Variants in GPAM observed in about 807,000 individuals in gnomAD.
The protein encoded by GPAM is glycerol-3-phosphate acyltransferase, mitochondrial, also known as glycerol-3-phosphate acyltransferase 1, mitochondrial.
In GPAM, 56 loss-of-function variants were observed where a neutral mutation model predicts 105.0. That is an observed-to-expected ratio of 0.53 (90% CI 0.43 to 0.67). The LOEUF is 0.67. GPAM is among the 30% of genes least tolerant of loss of function. The pLI, the probability that GPAM is intolerant of heterozygous loss-of-function variation, is 0.00. For synonymous variants in GPAM, 368 were observed against 354.4 expected, an observed-to-expected ratio of 1.04 and a Z score of -0.43; for missense variants, 855 against 989.8, an observed-to-expected ratio of 0.86 and a Z score of 1.83.
chr10:112,159,299 C>T (rs1416878454), intron 17 of GPAM, among the ~76,000 whole-genome samples: 3 of 146,656 alleles, frequency 2.0e-5, no homozygotes, highest in Admixed American at 7.0e-5. Context: ...CAGCTCACTG[C>T]ATCCTCCGCC....
Position 112,153,173 on chromosome 10 carries a change from C to A in GPAM, c.*377G>T. On this transcript the variant is annotated 3_prime_UTR_variant, in exon 22 of 22. Transcript: ENST00000348367. ...AAATTACCCAGCAGCACTAAGTATA[C>A]CATGTAAGATTCAGTTCCAGAACAC... 9.2e-7 allele frequency: 1 copy of A among 1,089,658 alleles called. No homozygotes were observed. Among genetic ancestry groups the A allele is most frequent in the South Asian group, 2.7e-5 (1 of 37,078 alleles). The allele number at this position is 1,089,658 out of a possible 1,614,324, so 67.5% of individuals were successfully genotyped here.
intron 1 of GPAM, among the ~76,000 whole-genome samples, chr10:112,192,587 G>A (rs780434456): frequency 4.6e-5 from 7 of 152,196 alleles, no homozygotes; most frequent in African/African-American, 7.2e-5. Context: ...ACAGGCCAAA[G>A]CCCAGAGGGA....
intron 3 of GPAM, 42 bp from the exon 4 acceptor site, chr10:112,180,637 G>A (rs750320489): frequency 1.3e-6 from 2 of 1,549,784 alleles, no homozygotes; most frequent in Admixed American, 3.3e-5. Flanking sequence ...TAAATGGCAA[G>A]AGAATACTTG....
At chr10:112,158,075 T>C (rs6585139) in intron 18 of GPAM, among the ~76,000 whole-genome samples, 106,899 of 152,080 alleles carry the variant, frequency 0.7, 37,686 homozygotes, top group South Asian at 0.83. Context: ...GGATTACAGG[T>C]GTGTGCCACC....
At chr10:112,189,626 C>T (rs1259681002) in intron 1 of GPAM, among the ~76,000 whole-genome samples, 4 of 152,216 alleles carry the variant, frequency 2.6e-5, no homozygotes, top group Non-Finnish European at 5.9e-5. Flanking sequence ...TTCCCTAATA[C>T]TGCAACTATC....
rs765460185 is a variant in GPAM, at chr10:112,175,704, T to C, written c.309A>G (p.Gly103=). ...YINETHTRHR[G]WLARRLSYVL... is the part of the protein sequence containing the mutation. ...CGTAAGAAAGGCGTCTTGCAAGCCA[T>C]CCGCGGTGTCTGTGAAAATGATTTA... Residue 103 remains glycine (G), a synonymous_variant, in exon 6 of 22, where the codon GGA becomes GGG. Coordinates refer to ENST00000348367, the MANE Select transcript of GPAM (RefSeq NM_001244949.2). 6.2e-7 allele frequency: 1 copy of C among 1,604,600 alleles called. No homozygotes were observed. The highest frequency in any genetic ancestry group is 8.5e-7 in the Non-Finnish European group (1 of 1,171,434).
intron 10 of GPAM, 131 bp downstream of exon 10, chr10:112,168,722 C>G: frequency 2.6e-6 from 2 of 760,838 alleles, no homozygotes; most frequent in Non-Finnish European, 4.6e-6. Context: ...AACAAATTAC[C>G]AAACTCAAGC....
intron 1 of GPAM, among the ~76,000 whole-genome samples, chr10:112,191,030 C>T (rs117169261): frequency 6.6e-6 from 1 of 152,126 alleles, no homozygotes; most frequent in East Asian, 1.9e-4. Flanking sequence ...TGTAAACTTC[C>T]TGGGCTCAAG....
chr10:112,182,675 A>G (rs140405966), intron 2 of GPAM, 119 bp downstream of exon 2: 1 of 152,178 alleles, frequency 6.6e-6, no homozygotes, highest in South Asian at 2.1e-4. Flanking sequence ...TTTCTTTACA[A>G]TCCCCACATG....
At chr10:112,207,093 C>T (rs1847860596) in intron 1 of GPAM, among the ~76,000 whole-genome samples, 1 of 152,206 alleles carries the variant, frequency 6.6e-6, no homozygotes, top group Non-Finnish European at 1.5e-5. Context: ...CAGTAGTTCT[C>T]AACCAGAGGT....
the GPAM span, among the ~76,000 whole-genome samples, chr10:112,221,677 T>C: frequency 0.24 from 35,876 of 151,392 alleles, 5,189 homozygotes; most frequent in African/African-American, 0.4. Context: ...TCTGTCATTG[T>C]ATACCCCAGA....
chr10:112,217,320 C>T (rs185786479), upstream of GPAM, among the ~76,000 whole-genome samples: 76 of 152,140 alleles, frequency 5.0e-4, no homozygotes, highest in African/African-American at 1.8e-3. Flanking sequence ...TCAAGGTTTA[C>T]TTCATTTCTT....
chr10:112,179,431 T>G (rs74156593), intron 4 of GPAM, among the ~76,000 whole-genome samples: 2,771 of 152,334 alleles, frequency 0.018, 80 homozygotes, highest in African/African-American at 0.064. Context: ...TAATCTGAAC[T>G]AGCTTTACTC....
chr10:112,173,868 G>A, intron 6 of GPAM, 23 bp from the exon 7 acceptor site: 5 of 1,582,606 alleles, frequency 3.2e-6, no homozygotes, highest in Non-Finnish European at 4.3e-6. Flanking sequence ...TGGAAAAAGA[G>A]ACAATGTAAT....
At position 112,163,798 on chromosome 10, in the gene GPAM, A is replaced by T. The variant is rs1847167348; in HGVS notation, c.1326T>A (p.Asp442Glu). The T allele has an allele frequency of 6.4e-7, 1 of 1,574,382 alleles. No individual in the cohort carries two copies. The highest frequency in any genetic ancestry group is 1.1e-5 in the South Asian group (1 of 90,292). Residue 442 changes from aspartate to glutamate, a missense_variant, in exon 14 of 22, where the codon GAT becomes GAA. Asp to Glu is a conservative substitution (Grantham distance 45). Coordinates refer to ENST00000348367, the MANE Select transcript of GPAM (RefSeq NM_001244949.2). ...CATTAATGGACGTGTCTCTACCTTC[A>T]TCAGCAGCATCACTGGGTCTAAAAA... ...ILPSRPSDAA[D>E]EGRDTSINES...
At chr10:112,217,903 G>C (rs1847986520), upstream of GPAM, among the ~76,000 whole-genome samples, 1 of 152,160 alleles carries the variant, frequency 6.6e-6, no homozygotes, top group Non-Finnish European at 1.5e-5. Flanking sequence ...TGGCTTCCTA[G>C]CTGTTTAGAT....
chr10:112,218,861 G>A (rs61872285), upstream of GPAM, among the ~76,000 whole-genome samples: 387 of 152,312 alleles, frequency 2.5e-3, no homozygotes, highest in Non-Finnish European at 4.0e-3. Context: ...GCATGCTAAT[G>A]CATTATAATT....
Position 112,183,755 on chromosome 10 carries a change from T to G in GPAM, c.-190A>C, listed in dbSNP as rs79259123. The G allele has an allele frequency of 0.037, 5,649 of 152,340 alleles. 158 individuals are homozygous for G. Among genetic ancestry groups the G allele is most frequent in the Non-Finnish European group, 0.053 (3,599 of 68,038 alleles). The allele number at this position is 152,340 out of a possible 1,614,324, so 9.4% of individuals were successfully genotyped here. On this transcript the variant is annotated 5_prime_UTR_variant, in exon 1 of 22. Transcript: ENST00000348367. Reference sequence around the variant, plus strand: ...ACTTCCAGTCCCGGCCAATGCCAGCTGCAGTGGCGCACCCTGATGACGCAA... The same window carrying G: ...ACTTCCAGTCCCGGCCAATGCCAGCGGCAGTGGCGCACCCTGATGACGCAA...
At position 112,173,053 on chromosome 10, in the gene GPAM, C is replaced by G. The variant is rs771572094; in HGVS notation, c.574G>C (p.Val192Leu). ...AAGCTGTTGAACAGTTTTAGCAGCACCCACCCAGTCAGTCTGAAACAAAGT... is the reference window on the plus strand; with the variant it reads ...AAGCTGTTGAACAGTTTTAGCAGCAGCCACCCAGTCAGTCTGAAACAAAGT... ...SPAMIRLTGW[V>L]LLKLFNSFFW... The change falls in exon 8 of 22, where the codon GTG becomes CTG. Residue 192 changes from valine to leucine, a missense_variant. Val to Leu is a conservative substitution (Grantham distance 32, BLOSUM62 1). Coordinates refer to ENST00000348367, the MANE Select transcript of GPAM (RefSeq NM_001244949.2). The G allele has an allele frequency of 8.8e-6, 14 of 1,595,716 alleles. No individual in the cohort carries two copies. In the Admixed American group the frequency reaches 1.2e-4, roughly 13 times the overall value.
Sources: allele counts gnomAD v4.1 joint callset (sites outside exome capture counted in the v4.1 genomes callset), GRCh38; gene constraint gnomAD v4.1.1; transcripts MANE v1.5; gene names NCBI Gene and HGNC (gene_info 2026-07-23, HGNC 2026-07-21).